FKBP9: variants seen among roughly 807,000 people sequenced by gnomAD.
FKBP9 encodes the protein peptidyl-prolyl cis-trans isomerase FKBP9.
Under a neutral mutation model 55.6 loss-of-function variants are expected in FKBP9, and 27 were observed. The observed-to-expected ratio is 0.49, with a 90% CI of 0.36 to 0.67. The LOEUF is 0.67. FKBP9 is among the 30% of genes least tolerant of loss of function. FKBP9 has a pLI of 0.00. For missense variants in FKBP9, 539 were observed against 742.8 expected, an observed-to-expected ratio of 0.73 and a Z score of 3.19; for synonymous variants, 267 against 296.5, an observed-to-expected ratio of 0.90 and a Z score of 1.02.
intron 8 of FKBP9, among the ~76,000 whole-genome samples, chr7:33,001,741 C>G (rs1430610274): frequency 6.6e-6 from 1 of 152,066 alleles, no homozygotes; most frequent in African/African-American, 2.4e-5. Context: ...TGCTTACAGT[C>G]AAATCTTGGA....
Position 32,957,510 on chromosome 7 carries a change from G to A in FKBP9, c.-64G>A. On this transcript the variant is annotated 5_prime_UTR_variant, in exon 1 of 10. Coordinates refer to ENST00000242209, the MANE Select transcript of FKBP9 (RefSeq NM_007270.5). The stretch of plus-strand genomic sequence containing the variant: ...TCCACGTTTGCAAACGCAGCCGAAC[G>A]CCCAGGCCGACCCGTGCCGCCCGAG... The A allele has an allele frequency of 8.0e-7, 1 of 1,245,766 alleles. No individual in the cohort carries two copies. Among genetic ancestry groups the A allele is most frequent in the Middle Eastern group, 2.9e-4 (1 of 3,396 alleles). 77.2% of individuals were successfully genotyped at this position (1,245,766 alleles called of 1,614,324 possible).
At chr7:32,977,870 C>CATGTGTATATATATATAT (rs780985630) in intron 4 of FKBP9, among the ~76,000 whole-genome samples, 1 of 124,658 alleles carries the variant, frequency 8.0e-6, no homozygotes, top group African/African-American at 3.2e-5. Flanking sequence ...TATACATGCC[C>CATGTGTATATATATATAT]ATATATATAT....
At chr7:32,984,984 T>A (rs1050562937) in intron 5 of FKBP9, among the ~76,000 whole-genome samples, 2 of 152,210 alleles carry the variant, frequency 1.3e-5, no homozygotes, top group African/African-American at 4.8e-5. Flanking sequence ...GTTAGCTTTT[T>A]AATTTGTATA....
intron 5 of FKBP9, among the ~76,000 whole-genome samples, chr7:32,984,464 G>A (rs972951768): frequency 2.0e-5 from 3 of 152,108 alleles, no homozygotes; most frequent in African/African-American, 7.2e-5. Context: ...CACCATTTCG[G>A]CCTGGTTGGT....
At chr7:32,986,754 G>A (rs1562570661) in intron 5 of FKBP9, among the ~76,000 whole-genome samples, 1 of 152,214 alleles carries the variant, frequency 6.6e-6, no homozygotes, top group Non-Finnish European at 1.5e-5. Context: ...TATCGGCCTG[G>A]CCCTGCTCGG....
chr7:32,999,054 G>C (rs895525670), intron 7 of FKBP9, among the ~76,000 whole-genome samples: 1 of 152,224 alleles, frequency 6.6e-6, no homozygotes, highest in Non-Finnish European at 1.5e-5. Context: ...AGTAGCCCCA[G>C]AGAAAGGCAG....
chr7:32,990,931 T>C (rs1784668411), intron 6 of FKBP9, among the ~76,000 whole-genome samples: 1 of 152,186 alleles, frequency 6.6e-6, no homozygotes, highest in Non-Finnish European at 1.5e-5. Context: ...GAAATATTTT[T>C]TTCTCCCTGA....
chr7:32,965,845 G>GTATATATA, intron 1 of FKBP9, among the ~76,000 whole-genome samples: 1 of 76,760 alleles, frequency 1.3e-5, no homozygotes, highest in African/African-American at 6.5e-5. Flanking sequence ...ATATATATAT[G>GTATATATA]TGTGTACAGA....
chr7:32,973,580 A>AGTAT (rs111290756), intron 1 of FKBP9, among the ~76,000 whole-genome samples: 2 of 144,012 alleles, frequency 1.4e-5, no homozygotes, highest in Admixed American at 6.9e-5. Context: ...AAAAAAATCA[A>AGTAT]GTGTGTGTGT....
chr7:32,997,667 A>G (rs1360013001), intron 7 of FKBP9, among the ~76,000 whole-genome samples: 1 of 152,204 alleles, frequency 6.6e-6, no homozygotes, highest in East Asian at 1.9e-4. Flanking sequence ...ATCTCTACTA[A>G]AAATACAAAA....
rs1238331053 is a variant in FKBP9, at chr7:33,005,758, T to G, written c.*407T>G. ...AGGGTTAAATTTTTTTTTAACTTGC[T>G]GGTTAAAACATTTTAGAAATATTCT... On this transcript the variant is annotated 3_prime_UTR_variant, in exon 10 of 10. Transcript: ENST00000242209. 4.3e-6 allele frequency: 1 copy of G among 235,200 alleles called. No individual in the cohort carries two copies. Among genetic ancestry groups the G allele is most frequent in the African/African-American group, 2.2e-5 (1 of 45,304 alleles). 14.6% of individuals were successfully genotyped at this position (235,200 alleles called of 1,614,324 possible).
chr7:32,957,732 C>T lies in FKBP9; in HGVS notation c.159C>T (p.Ser53=), dbSNP rs1783928984. ...ACGAGTGCCCGCGCACCGTGCGCAG[C>T]GGCGACTTCGTGCGCTACCACTACG... is the stretch of plus-strand genomic sequence containing the variant. The part of the protein sequence containing the change: ...VPDECPRTVR[S]GDFVRYHYVG... Residue 53 remains serine (S), a synonymous_variant, in exon 1 of 10, where the codon AGC becomes AGT. Transcript: ENST00000242209. 8 of 1,521,862 alleles carry T rather than the reference C, an allele frequency of 5.3e-6. No individual in the cohort carries two copies. Among genetic ancestry groups the T allele is most frequent in the South Asian group, 1.2e-5 (1 of 82,148 alleles). The allele number at this position is 1,521,862 out of a possible 1,614,324, so 94.3% of individuals were successfully genotyped here. A position where few individuals can be genotyped will look rare whatever the true frequency, so the allele number is the denominator to read the frequency against.
chr7:32,963,409 G>A (rs1458314609), intron 1 of FKBP9: 2 of 399,012 alleles, frequency 5.0e-6, no homozygotes, highest in African/African-American at 4.1e-5. Context: ...CTTGTGAAGG[G>A]AAGGTTTTTG....
At chr7:32,994,275 C>A (rs1784741623) in intron 6 of FKBP9, among the ~76,000 whole-genome samples, 1 of 152,176 alleles carries the variant, frequency 6.6e-6, no homozygotes, top group African/African-American at 2.4e-5. Context: ...ACGCTGGCAA[C>A]AGGTAGTCTA....
Position 32,974,026 on chromosome 7 carries a change from T to A in FKBP9, c.222-591T>A, listed in dbSNP as rs914318499. ...TTTTTTAAAATTTTATTTTATTTTA[T>A]TTTTTGAGACTCTGTCGCCCAGGCT... On this transcript the variant is annotated intron_variant, in intron 1 of 9. Transcript: ENST00000242209. Among the ~76,000 whole-genome samples the A allele has an allele frequency of 1.5e-3, 228 of 151,736 alleles. 2 individuals are homozygous for A. The highest frequency in any genetic ancestry group is 2.4e-4 in the Non-Finnish European group (16 of 67,940).
At chr7:32,984,177 G>C (rs932544844) in intron 5 of FKBP9, among the ~76,000 whole-genome samples, 1 of 150,332 alleles carries the variant, frequency 6.7e-6, no homozygotes, top group Non-Finnish European at 1.5e-5. Flanking sequence ...GCCTTTTAAT[G>C]GTTTTTTTTT....
rs1039014025 is a variant in FKBP9, at chr7:32,976,503, A to T, written c.703+4A>T. On this transcript the variant is annotated splice_donor_region_variant and intron_variant, in intron 4 of 9. Coordinates refer to ENST00000242209, the MANE Select transcript of FKBP9 (RefSeq NM_007270.5). ...GCCTATGGAGAGGATGGAGATGGTA[A>T]GTCCGTCTCCTTCTTGGAGCCACTC... 8.9e-6 allele frequency: 14 copies of T among 1,580,530 alleles called. No homozygotes were observed. The highest frequency in any genetic ancestry group is 1.1e-5 in the Non-Finnish European group (13 of 1,164,126).
At chr7:32,981,432 A>C (rs1054037013) in intron 5 of FKBP9, among the ~76,000 whole-genome samples, 2 of 152,090 alleles carry the variant, frequency 1.3e-5, no homozygotes, top group Admixed American at 6.6e-5. Context: ...CATGGCCTGC[A>C]ATTGTAGAGA....
At chr7:32,962,219 C>T (rs1583837638) in intron 1 of FKBP9, among the ~76,000 whole-genome samples, 1 of 152,058 alleles carries the variant, frequency 6.6e-6, no homozygotes, top group East Asian at 2.0e-4. Context: ...ATGGAGAAAC[C>T]CCGTCTCTAC....
Sources: allele counts gnomAD v4.1 joint callset (sites outside exome capture counted in the v4.1 genomes callset), GRCh38; gene constraint gnomAD v4.1.1; transcripts MANE v1.5; gene names NCBI Gene and HGNC (gene_info 2026-07-23, HGNC 2026-07-21).